The following WWOX variants were observed in gnomAD, a reference collection of about 807,000 sequenced individuals.
WWOX encodes the protein WW domain containing oxidoreductase, also known as WW domain-containing oxidoreductase.
In WWOX, 69 loss-of-function variants were observed where a neutral mutation model predicts 46.2. The observed-to-expected ratio is 1.49, with a 90% CI of 1.23 to 1.82. WWOX has a LOEUF of 1.82. WWOX is among the 40% of genes most tolerant of loss of function. WWOX has a pLI of 0.00. For synonymous variants in WWOX, 359 were observed against 202.6 expected, an observed-to-expected ratio of 1.77 and a Z score of -6.56; for missense variants, 919 against 542.6, an observed-to-expected ratio of 1.69 and a Z score of -6.89.
Position 78,761,061 on chromosome 16 carries a change from C to T in WWOX, c.1056+328309C>T, listed in dbSNP as rs548579756. On this transcript the variant is annotated intron_variant, in intron 8 of 8. Transcript: ENST00000566780. Reference sequence around the variant, plus strand: ...CTCCTACCAGGCCCCTCCTACAACACGTAAGAATTATGGGAGCTACAATTC... The same window carrying T: ...CTCCTACCAGGCCCCTCCTACAACATGTAAGAATTATGGGAGCTACAATTC... Among the ~76,000 whole-genome samples the T allele has an allele frequency of 5.3e-5, 8 of 152,196 alleles. No homozygotes were observed. The South Asian group carries it at 6.2e-4, about 12-fold the overall frequency.
intron 5 of WWOX, among the ~76,000 whole-genome samples, chr16:78,297,349 C>T (rs2079959815): frequency 6.6e-6 from 1 of 152,130 alleles, no homozygotes; most frequent in Non-Finnish European, 1.5e-5. Context: ...TTTCCATTTT[C>T]TAGTAATTAT....
Position 79,032,527 on chromosome 16 carries a change from ATAGTC to A in WWOX, c.1057-179076_1057-179072del, listed in dbSNP as rs199676216. Among the ~76,000 whole-genome samples, 952 of 148,340 alleles carry A rather than the reference ATAGTC, an allele frequency of 6.4e-3. 9 individuals carry two copies. Among genetic ancestry groups the A allele is most frequent in the African/African-American group, 0.022 (879 of 40,816 alleles). Reference sequence around the variant, plus strand: ...CATATACAGCTAATATATATACACAATAGTCTAGTATATATTATACATGTAATATA... The same window carrying A: ...CATATACAGCTAATATATATACACAATAGTATATATTATACATGTAATATA... On this transcript the variant is annotated intron_variant, in intron 8 of 8. Transcript: ENST00000566780.
rs71140858 is a variant in WWOX, at chr16:79,047,672, A to ATTTT, written c.1057-163910_1057-163907dup. Among the ~76,000 whole-genome samples the ATTTT allele has an allele frequency of 5.2e-4, 28 of 53,538 alleles. 2 individuals are homozygous for ATTTT. The highest frequency in any genetic ancestry group is 2.0e-3 in the South Asian group (2 of 982). The allele number at this position is 53,538 out of a possible 152,430, so 35.1% of individuals were successfully genotyped here. A position where few individuals can be genotyped will look rare whatever the true frequency, so the allele number is the denominator to read the frequency against. ...GTGACTTTCTCCTGAGACTGTCCTG[A>ATTTT]TTTTTTTTTTTTTTTTTTTTTTTTT... On this transcript the variant is annotated intron_variant, in intron 8 of 8. Coordinates refer to ENST00000566780, the MANE Select transcript of WWOX (RefSeq NM_016373.4).
intron 8 of WWOX, among the ~76,000 whole-genome samples, chr16:79,053,144 C>T (rs752507369): frequency 3.3e-5 from 5 of 152,038 alleles, no homozygotes; most frequent in South Asian, 2.1e-4. Flanking sequence ...ATGAACTCAA[C>T]GCTTTTAGGA....
intron 5 of WWOX, among the ~76,000 whole-genome samples, chr16:78,255,376 T>C (rs1369079858): frequency 6.6e-6 from 1 of 152,140 alleles, no homozygotes; most frequent in Non-Finnish European, 1.5e-5. Flanking sequence ...TGGAAGACAC[T>C]AAGAAACTAT....
chr16:79,185,830 G>C (rs545321775), intron 8 of WWOX, among the ~76,000 whole-genome samples: 2 of 152,096 alleles, frequency 1.3e-5, no homozygotes, highest in African/African-American at 4.8e-5. Context: ...TGTGAGAAGG[G>C]ACTCATCTGT....
intron 5 of WWOX, among the ~76,000 whole-genome samples, chr16:78,358,821 T>C (rs1324026842): frequency 2.7e-5 from 4 of 148,820 alleles, no homozygotes; most frequent in Non-Finnish European, 4.5e-5. Flanking sequence ...TTTCTGACTT[T>C]TTAAAATTCA....
At chr16:78,224,560 C>T (rs566899930) in intron 5 of WWOX, among the ~76,000 whole-genome samples, 1 of 152,262 alleles carries the variant, frequency 6.6e-6, no homozygotes, top group African/African-American at 2.4e-5. Flanking sequence ...ATTTACTTAA[C>T]CAATCCCCTG....
intron 8 of WWOX, among the ~76,000 whole-genome samples, chr16:78,458,286 G>T (rs1439640711): frequency 6.8e-6 from 1 of 147,544 alleles, no homozygotes; most frequent in African/African-American, 2.5e-5. Context: ...TTTGATACAG[G>T]GTCTTACTGT....
intron 8 of WWOX, among the ~76,000 whole-genome samples, chr16:78,695,758 C>G (rs1295588463): frequency 1.3e-5 from 2 of 152,298 alleles, no homozygotes; most frequent in East Asian, 3.9e-4. Flanking sequence ...GAACCTGTGA[C>G]AAAAACGAAA....
chr16:78,443,986 C>T (rs2083502332), intron 8 of WWOX, among the ~76,000 whole-genome samples: 1 of 152,116 alleles, frequency 6.6e-6, no homozygotes, highest in Non-Finnish European at 1.5e-5. Flanking sequence ...CTTCTGTGAA[C>T]AGTGATTTTT....
chr16:78,278,701 A>T (rs2079624501), intron 5 of WWOX: 1 of 1,554,088 alleles, frequency 6.4e-7, no homozygotes, highest in African/African-American at 1.4e-5. Context: ...CTCATCAATT[A>T]CATCTTCTTT....
chr16:79,098,649 T>C (rs2049127320), intron 8 of WWOX, among the ~76,000 whole-genome samples: 1 of 152,222 alleles, frequency 6.6e-6, no homozygotes, highest in Admixed American at 6.5e-5. Context: ...AGTGAATTTT[T>C]CCTAAAATGT....
intron 8 of WWOX, among the ~76,000 whole-genome samples, chr16:79,023,964 C>CAAAT (rs1555513477): frequency 2.0e-5 from 3 of 150,926 alleles, no homozygotes; most frequent in African/African-American, 7.3e-5. Context: ...AAAAAACAAA[C>CAAAT]AAAAAAAACA....
intron 8 of WWOX, among the ~76,000 whole-genome samples, chr16:78,715,886 G>A (rs2048549936): frequency 6.6e-6 from 1 of 152,160 alleles, no homozygotes; most frequent in South Asian, 2.1e-4. Context: ...TGAGCTGCAA[G>A]GAATGCTGGG....
In WWOX at chr16:79,211,813, A is replaced by T; in HGVS notation, c.*17A>T. The T allele has an allele frequency of 6.2e-7, 1 of 1,613,918 alleles. No individual in the cohort carries two copies. The highest frequency in any genetic ancestry group is 8.5e-7 in the Non-Finnish European group (1 of 1,179,968). On this transcript the variant is annotated 3_prime_UTR_variant, in exon 9 of 9. Coordinates refer to ENST00000566780, the MANE Select transcript of WWOX (RefSeq NM_016373.4). The stretch of plus-strand genomic sequence containing the variant: ...TCCGGCTAAGTGGAGCTCAGAGCGG[A>T]TGGGCACACACACCCGCCCTGTGTG...
At chr16:78,395,324 G>A (rs1033357797) in intron 6 of WWOX, among the ~76,000 whole-genome samples, 1 of 152,118 alleles carries the variant, frequency 6.6e-6, no homozygotes, top group Non-Finnish European at 1.5e-5. Flanking sequence ...TTTGAGACCA[G>A]CCTCGGTAAT....
intron 8 of WWOX, among the ~76,000 whole-genome samples, chr16:78,578,383 G>C (rs555683473): frequency 2.1e-5 from 3 of 139,714 alleles, no homozygotes; most frequent in Non-Finnish European, 4.6e-5. Flanking sequence ...TCCGCCTCCC[G>C]GGTTCACGCC....
intron 8 of WWOX, among the ~76,000 whole-genome samples, chr16:79,079,735 G>T (rs1954958977): frequency 6.6e-6 from 1 of 152,074 alleles, no homozygotes; most frequent in African/African-American, 2.4e-5. Flanking sequence ...TCTACCCCAG[G>T]CTTTGCAACA....
Sources: allele counts gnomAD v4.1 joint callset (sites outside exome capture counted in the v4.1 genomes callset), GRCh38; gene constraint gnomAD v4.1.1; transcripts MANE v1.5; gene names NCBI Gene and HGNC (gene_info 2026-07-23, HGNC 2026-07-21).